GPATCH1: variants seen among roughly 807,000 people sequenced by gnomAD.
GPATCH1 encodes the protein G-patch domain containing 1, also known as G patch domain-containing protein 1.
GPATCH1 carries 73 observed loss-of-function variants against 114.9 expected under a neutral mutation model. The ratio of observed to expected loss-of-function variants is 0.64; its 90% confidence interval spans 0.53 to 0.77. The LOEUF is 0.77. Ranked by LOEUF, GPATCH1 falls within the 30% of genes least tolerant of loss-of-function variation. The pLI is 0.00. For missense variants in GPATCH1, 1,058 were observed against 1,144.3 expected (o/e 0.92, Z 1.09); for synonymous variants, 391 against 428.4 (o/e 0.91, Z 1.08).
intron 9 of GPATCH1, among the ~76,000 whole-genome samples, chr19:33,103,716 A>G (rs1252003303): frequency 6.6e-6 from 1 of 152,160 alleles, no homozygotes; most frequent in Non-Finnish European, 1.5e-5. Flanking sequence ...AAAGAAAAAA[A>G]AAGAAAAGGA....
At chr19:33,121,059 C>A (rs1202484597) in intron 17 of GPATCH1, among the ~76,000 whole-genome samples, 1 of 150,920 alleles carries the variant, frequency 6.6e-6, no homozygotes, top group Admixed American at 6.6e-5. Context: ...AAATAGTATA[C>A]AAAATTGGAG....
At position 33,087,109 on chromosome 19, in the gene GPATCH1, G is replaced by A. The variant is rs142842229; in HGVS notation, c.74-1025G>A. ...TCTATTTTACAGATAAGTAAATTGA[G>A]GCACAGAGAGTCAAGGCTGACCAAA... On this transcript the variant is annotated intron_variant, in intron 1 of 19. Coordinates refer to ENST00000170564, the MANE Select transcript of GPATCH1 (RefSeq NM_018025.3). Among the ~76,000 whole-genome samples the A allele has an allele frequency of 2.6e-3, 389 of 152,248 alleles. 1 individual carries two copies. The highest frequency in any genetic ancestry group is 8.8e-3 in the African/African-American group (366 of 41,558).
intron 1 of GPATCH1, among the ~76,000 whole-genome samples, chr19:33,082,371 A>G (rs765719599): frequency 3.9e-5 from 6 of 152,176 alleles, no homozygotes; most frequent in East Asian, 1.9e-4. Context: ...TTGGGCCACA[A>G]TTTATTTGCA....
In GPATCH1 at chr19:33,093,521, T is replaced by C; in HGVS notation, c.455+2T>C. On this transcript the variant is annotated splice_donor_variant, in intron 4 of 19. Coordinates refer to ENST00000170564, the MANE Select transcript of GPATCH1 (RefSeq NM_018025.3). LOFTEE classifies it high-confidence loss of function. ...TGATGACCTCATAACGCCAGCAAAG[T>C]GAGCATTTCCTTCTGACTGTCATGA... 2 of 1,609,454 alleles carry C rather than the reference T, an allele frequency of 1.2e-6. No individual in the cohort carries two copies. Among genetic ancestry groups the C allele is most frequent in the Non-Finnish European group, 1.7e-6 (2 of 1,178,088 alleles).
intron 13 of GPATCH1, chr19:33,112,907 C>T (rs1347638405): frequency 7.9e-6 from 2 of 252,950 alleles, no homozygotes; most frequent in African/African-American, 2.3e-5. Flanking sequence ...TGTTGCTGCT[C>T]ATGTGGTTTA....
intron 3 of GPATCH1, among the ~76,000 whole-genome samples, chr19:33,092,285 A>G (rs1420467045): frequency 6.6e-6 from 1 of 151,964 alleles, no homozygotes; most frequent in Non-Finnish European, 1.5e-5. Context: ...TCCTGACCTC[A>G]GGTGATCCAC....
At chr19:33,088,893 G>A (rs1972563946) in intron 2 of GPATCH1, among the ~76,000 whole-genome samples, 1 of 152,204 alleles carries the variant, frequency 6.6e-6, no homozygotes, top group South Asian at 2.1e-4. Flanking sequence ...CTGGCCTCAA[G>A]TGATCCGCCT....
intron 9 of GPATCH1, among the ~76,000 whole-genome samples, chr19:33,104,109 CG>C (rs1291918406): frequency 1.3e-5 from 2 of 151,526 alleles, no homozygotes; most frequent in African/African-American, 4.9e-5. Flanking sequence ...GCGGGCAGAT[CG>C]CTAGAGTCCA....
chr19:33,112,134 T>A (rs1972862454), intron 12 of GPATCH1, among the ~76,000 whole-genome samples: 1 of 151,884 alleles, frequency 6.6e-6, no homozygotes, highest in African/African-American at 2.4e-5. Context: ...GCCATCTAAT[T>A]TTTGTATTTT....
intron 11 of GPATCH1, among the ~76,000 whole-genome samples, chr19:33,110,268 G>A (rs115203893): frequency 9.7e-4 from 147 of 152,292 alleles, no homozygotes; most frequent in African/African-American, 3.3e-3. Flanking sequence ...GGCGGTGGCC[G>A]GTACTTACAG....
chr19:33,111,585 T>G, intron 11 of GPATCH1, 139 bp from the exon 12 acceptor site: 1 of 814,668 alleles, frequency 1.2e-6, no homozygotes, highest in South Asian at 1.8e-5. Flanking sequence ...GCCAAATACC[T>G]CACCATTCCC....
chr19:33,129,718 C>T (rs571629502), intron 19 of GPATCH1, among the ~76,000 whole-genome samples: 4 of 152,036 alleles, frequency 2.6e-5, no homozygotes, highest in East Asian at 1.9e-4. Flanking sequence ...GAGGCCGAGG[C>T]GGGCAGATCA....
intron 8 of GPATCH1, among the ~76,000 whole-genome samples, chr19:33,098,918 A>G (rs1283983616): frequency 6.7e-6 from 1 of 149,838 alleles, no homozygotes; most frequent in Non-Finnish European, 1.5e-5. Flanking sequence ...TTTCCTTCCA[A>G]TGTTTTTCTT....
intron 17 of GPATCH1, 81 bp downstream of exon 17, chr19:33,119,198 A>C: frequency 1.5e-6 from 1 of 648,614 alleles, no homozygotes; most frequent in Non-Finnish European, 2.6e-6. Flanking sequence ...CTTAGAGCCG[A>C]CCAAACATAC....
At chr19:33,127,774 T>C (rs1311663564) in intron 19 of GPATCH1, among the ~76,000 whole-genome samples, 2 of 152,026 alleles carry the variant, frequency 1.3e-5, no homozygotes, top group Non-Finnish European at 2.9e-5. Context: ...AGTGGTGCGA[T>C]CTTGGCTCAG....
Position 33,126,735 on chromosome 19 carries a change from T to G in GPATCH1, c.2765+2T>G. 1 of 1,605,506 alleles carries G rather than the reference T, an allele frequency of 6.2e-7. No individual in the cohort carries two copies. The highest frequency in any genetic ancestry group is 1.1e-5 in the South Asian group (1 of 90,006). On this transcript the variant is annotated splice_donor_variant, in intron 19 of 19. Transcript: ENST00000170564. LOFTEE classifies it high-confidence loss of function. Reference sequence around the variant, plus strand: ...GTCGCCCCAGGAGCTGCTGAGACGGTGGGTAGTGGGAGATGGAGGGTTTTT... The same window carrying G: ...GTCGCCCCAGGAGCTGCTGAGACGGGGGGTAGTGGGAGATGGAGGGTTTTT...
chr19:33,107,483 G>C (rs1204894540), intron 10 of GPATCH1, among the ~76,000 whole-genome samples: 10 of 152,152 alleles, frequency 6.6e-5, no homozygotes, highest in Admixed American at 5.9e-4. Flanking sequence ...CCCCTTCTCT[G>C]CACAGCCTGG....
intron 17 of GPATCH1, among the ~76,000 whole-genome samples, chr19:33,123,107 A>C (rs976558696): frequency 2.0e-5 from 3 of 148,984 alleles, no homozygotes; most frequent in Admixed American, 6.7e-5. Flanking sequence ...TAAATAAATA[A>C]ATAAATAAAT....
rs1021265812 is a variant in GPATCH1, at chr19:33,130,183, C to T, written c.*23C>T. ...TAATTGAATGCTGCCCTGGCTCGTC[C>T]TAGAATCATTTCTCCTCCATGATGG... On this transcript the variant is annotated 3_prime_UTR_variant, in exon 20 of 20. Transcript: ENST00000170564. 9 of 1,569,028 alleles carry T rather than the reference C, an allele frequency of 5.7e-6. No homozygotes were observed. The highest frequency in any genetic ancestry group is 7.9e-6 in the Non-Finnish European group (9 of 1,138,976).
Sources: gnomAD v4.1 joint callset for allele counts (sites outside exome capture counted in the v4.1 genomes callset) on GRCh38, gnomAD v4.1.1 for gene constraint, MANE v1.5 for transcripts, NCBI Gene and HGNC (gene_info 2026-07-23, HGNC 2026-07-21) for gene names.